Variants in CD86 observed in about 807,000 individuals in gnomAD.
The protein encoded by CD86 is CD86 molecule.
CD86 carries 11 observed loss-of-function variants against 32.1 expected under a neutral mutation model. The ratio of observed to expected loss-of-function variants is 0.34; its 90% CI spans 0.22 to 0.57. The LOEUF is 0.57. Ranked by LOEUF, CD86 falls within the 20% of genes least tolerant of loss-of-function variation. The probability of loss-of-function intolerance (pLI) is 0.86; values close to 1 mark genes in which losing one functional copy is unlikely to be tolerated. For synonymous variants in CD86, 137 were observed against 135.3 expected, an observed-to-expected ratio of 1.01 and a Z score of -0.09; for missense variants, 359 against 398.4, an observed-to-expected ratio of 0.90 and a Z score of 0.84.
intron 3 of CD86, among the ~76,000 whole-genome samples, chr3:122,105,285 A>G (rs1457843059): frequency 6.6e-6 from 1 of 152,238 alleles, no homozygotes; most frequent in Non-Finnish European, 1.5e-5. Context: ...GAAGCTAAAC[A>G]CGGTCTGGCA....
chr3:122,100,209 G>A (rs2107534442), intron 2 of CD86, among the ~76,000 whole-genome samples: 1 of 152,310 alleles, frequency 6.6e-6, no homozygotes, highest in African/African-American at 2.4e-5. Context: ...TGCATCTAAT[G>A]CCAAAATCCT....
chr3:122,098,203 A>T (rs1199208418), intron 2 of CD86, among the ~76,000 whole-genome samples: 1 of 152,236 alleles, frequency 6.6e-6, no homozygotes, highest in African/African-American at 2.4e-5. Flanking sequence ...GATAAGTACC[A>T]CAATAAATAT....
chr3:122,077,939 C>T (rs867057046), intron 1 of CD86: 1 of 985,382 alleles, frequency 1.0e-6, no homozygotes, highest in Non-Finnish European at 1.2e-6. Context: ...CGCAAATACT[C>T]CTTTTGGTTT....
chr3:122,070,019 T>C (rs1368149077), intron 1 of CD86, among the ~76,000 whole-genome samples: 1 of 152,228 alleles, frequency 6.6e-6, no homozygotes, highest in African/African-American at 2.4e-5. Flanking sequence ...GACAATTTTT[T>C]CCTGAACCTA....
At chr3:122,096,098 T>C (rs1314930609) in intron 2 of CD86, among the ~76,000 whole-genome samples, 1 of 152,212 alleles carries the variant, frequency 6.6e-6, no homozygotes, top group African/African-American at 2.4e-5. Context: ...CAAAAAACTC[T>C]GTCACCCAGG....
intron 5 of CD86, among the ~76,000 whole-genome samples, chr3:122,116,961 C>CGT (rs1221647929): frequency 2.0e-5 from 3 of 152,140 alleles, no homozygotes; most frequent in Non-Finnish European, 4.4e-5. Flanking sequence ...GGTTACGTGA[C>CGT]TATATATATT....
intron 5 of CD86, 57 bp from the exon 6 acceptor site, chr3:122,117,991 C>T: frequency 6.8e-7 from 1 of 1,480,474 alleles, no homozygotes; most frequent in Non-Finnish European, 9.4e-7. Flanking sequence ...TCAAACTTTC[C>T]TTCTTTTGGT....
At chr3:122,073,708 A>G (rs768769322) in intron 1 of CD86, among the ~76,000 whole-genome samples, 37 of 149,014 alleles carry the variant, frequency 2.5e-4, no homozygotes, top group Non-Finnish European at 4.6e-4. Context: ...GCTGGGAGTA[A>G]GAAGACAACC....
At chr3:122,059,240 A>G (rs954317582) in intron 1 of CD86, among the ~76,000 whole-genome samples, 7 of 152,166 alleles carry the variant, frequency 4.6e-5, no homozygotes, top group African/African-American at 1.4e-4. Context: ...TTGTGGGTCA[A>G]TTCAGTAGCA....
chr3:122,073,520 G>A lies in CD86; in HGVS notation c.14+18017G>A, dbSNP rs568960092. On this transcript the variant is annotated intron_variant, in intron 1 of 6. Transcript: ENST00000330540. Reference sequence around the variant, plus strand: ...TACATGTTTCTGCTTTAAGGAGGAAGGGTTTTAAAAATACAATTTACAGTA... The same window carrying A: ...TACATGTTTCTGCTTTAAGGAGGAAAGGTTTTAAAAATACAATTTACAGTA... Among the ~76,000 whole-genome samples, 19 of 152,202 alleles carry A rather than the reference G, an allele frequency of 1.2e-4. No individual in the cohort carries two copies. In the South Asian group the frequency reaches 2.7e-3, roughly 22 times the overall value.
At chr3:122,058,524 G>A (rs1559894744) in intron 1 of CD86, among the ~76,000 whole-genome samples, 1 of 152,174 alleles carries the variant, frequency 6.6e-6, no homozygotes, top group African/African-American at 2.4e-5. Flanking sequence ...GGAGGTTAAT[G>A]TGGTTTAAAG....
intron 1 of CD86, among the ~76,000 whole-genome samples, chr3:122,088,655 T>A (rs1488077096): frequency 6.6e-6 from 1 of 152,200 alleles, no homozygotes; most frequent in African/African-American, 2.4e-5. Flanking sequence ...AACCTACTTA[T>A]CACAGAATAT....
intron 1 of CD86, among the ~76,000 whole-genome samples, chr3:122,087,519 A>C (rs554002965): frequency 1.3e-5 from 2 of 152,196 alleles, no homozygotes; most frequent in African/African-American, 4.8e-5. Flanking sequence ...CACATCACAC[A>C]TCATGGCTAG....
chr3:122,084,892 A>T (rs2107520726), intron 1 of CD86, among the ~76,000 whole-genome samples: 2 of 152,208 alleles, frequency 1.3e-5, no homozygotes, highest in South Asian at 4.1e-4. Flanking sequence ...TTTCTTTTTA[A>T]TCTATTATAT....
At chr3:122,055,836 GT>G (rs1488490251) in intron 1 of CD86, among the ~76,000 whole-genome samples, 4 of 152,240 alleles carry the variant, frequency 2.6e-5, no homozygotes, top group Middle Eastern at 3.4e-3. Context: ...CAGGGAATAT[GT>G]TTTTTGTCTA....
In CD86 at chr3:122,113,601, G is replaced by C. The variant is rs376160619; in HGVS notation, c.847+4193G>C. Among the ~76,000 whole-genome samples, 86 of 152,222 alleles carry C rather than the reference G, an allele frequency of 5.6e-4. 1 individual carries two copies. In the South Asian group the frequency reaches 0.015, roughly 26 times the overall value. On this transcript the variant is annotated intron_variant, in intron 5 of 6. Transcript: ENST00000330540. ...GGTTTTAATTTGCATTTCCCTGATA[G>C]TTAGTGATATTGAACTTTTTTTCAT...
At chr3:122,061,957 A>C (rs374223779) in intron 1 of CD86, among the ~76,000 whole-genome samples, 1 of 152,186 alleles carries the variant, frequency 6.6e-6, no homozygotes, top group Non-Finnish European at 1.5e-5. Flanking sequence ...CAGTGGGTGA[A>C]TCGTAACACA....
chr3:122,100,241 C>T (rs941102410), intron 2 of CD86, among the ~76,000 whole-genome samples: 1 of 152,172 alleles, frequency 6.6e-6, no homozygotes, highest in Non-Finnish European at 1.5e-5. Context: ...GTGGTAGTGA[C>T]TTAGTAGCTA....
intron 2 of CD86, chr3:122,091,871 T>G (rs1483336355): frequency 1.8e-6 from 1 of 543,604 alleles, no homozygotes; most frequent in Non-Finnish European, 3.3e-6. Flanking sequence ...CCCCGTGTGC[T>G]TCTTCCTCCT....
Sources: gnomAD v4.1 joint callset for allele counts (sites outside exome capture counted in the v4.1 genomes callset) on GRCh38, gnomAD v4.1.1 for gene constraint, MANE v1.5 for transcripts, NCBI Gene and HGNC (gene_info 2026-07-23, HGNC 2026-07-21) for gene names.